SCAPER: variants seen among roughly 807,000 people sequenced by gnomAD.
SCAPER encodes S-phase cyclin A associated protein in the ER.
Under a neutral mutation model 182.2 loss-of-function variants are expected in SCAPER, and 98 were observed. That is an observed-to-expected ratio of 0.54 (90% confidence interval 0.46 to 0.64). The LOEUF is 0.64. Among genes scored for constraint, SCAPER ranks in the 30% least tolerant of loss-of-function variants. The probability of loss-of-function intolerance (pLI) is 0.00; values close to 1 mark genes in which losing one functional copy is unlikely to be tolerated. For synonymous variants in SCAPER, 605 were observed against 564.6 expected, an observed-to-expected ratio of 1.07 and a Z score of -1.01; for missense variants, 1,432 against 1,690.0, an observed-to-expected ratio of 0.85 and a Z score of 2.68.
At chr15:76,490,473 C>A (rs1405734275) in intron 24 of SCAPER, among the ~76,000 whole-genome samples, 1 of 151,964 alleles carries the variant, frequency 6.6e-6, no homozygotes, top group East Asian at 1.9e-4. Flanking sequence ...TATTTAAGTC[C>A]TTTGTCCATT....
In SCAPER at chr15:76,800,316, A is replaced by G; in HGVS notation, c.543T>C (p.His181=). The change falls in exon 7 of 32, where the codon CAT becomes CAC. Residue 181 remains histidine, a synonymous_variant. Transcript: ENST00000563290. ...TATCTGTTGATGGACTTGGAATCAC[A>G]TGGCGTCCCGGAGACATCTTCTTTA... ...WEVKKMSPGR[H]VIPSPSTDRI... 6.2e-7 allele frequency: 1 copy of G among 1,613,570 alleles called. No individual in the cohort carries two copies.
intron 22 of SCAPER, among the ~76,000 whole-genome samples, chr15:76,588,290 A>G (rs1023657610): frequency 1.3e-5 from 2 of 152,070 alleles, no homozygotes; most frequent in African/African-American, 4.8e-5. Context: ...TTAGGTGCAT[A>G]TATGTTTAGG....
chr15:76,603,430 G>C lies in SCAPER; in HGVS notation c.2711+18334C>G, dbSNP rs543135885. Among the ~76,000 whole-genome samples the C allele has an allele frequency of 2.1e-4, 25 of 121,508 alleles. 5 individuals carry two copies. Among genetic ancestry groups the C allele is most frequent in the South Asian group, 1.5e-3 (6 of 3,936 alleles). 79.7% of individuals were successfully genotyped at this position (121,508 alleles called of 152,430 possible). A position where few individuals can be genotyped will look rare whatever the true frequency, so the allele number is the denominator to read the frequency against. On this transcript the variant is annotated intron_variant, in intron 22 of 31. Transcript: ENST00000563290. Reference sequence around the variant, plus strand: ...CCACGTTTTCTTAATCCAGTCTATGGTTCTTGGACATTTAGGTTGGTTCCA... The same window carrying C: ...CCACGTTTTCTTAATCCAGTCTATGCTTCTTGGACATTTAGGTTGGTTCCA...
Position 76,465,280 on chromosome 15 carries a change from G to C in SCAPER, c.3078+5932C>G, listed in dbSNP as rs770804054. Reference sequence around the variant, plus strand: ...TCTGGTTCATAGAAGGCGCTTTCCAGCTGTGACCTCACCTGACAGAAGGGG... The same window carrying C: ...TCTGGTTCATAGAAGGCGCTTTCCACCTGTGACCTCACCTGACAGAAGGGG... On this transcript the variant is annotated intron_variant, in intron 25 of 31. Coordinates refer to ENST00000563290, the MANE Select transcript of SCAPER (RefSeq NM_020843.4). 3.3e-5 allele frequency among the ~76,000 whole-genome samples: 5 copies of C among 152,110 alleles called. 1 individual carries two copies. Among genetic ancestry groups the C allele is most frequent in the Non-Finnish European group, 7.4e-5 (5 of 68,004 alleles).
chr15:76,806,952 T>C (rs2066208223), intron 5 of SCAPER, among the ~76,000 whole-genome samples: 1 of 152,190 alleles, frequency 6.6e-6, no homozygotes, highest in South Asian at 2.1e-4. Context: ...GCTCTAATAA[T>C]TGGGGGGCAG....
chr15:76,623,040 G>T (rs1388699313), intron 21 of SCAPER, among the ~76,000 whole-genome samples: 1 of 152,164 alleles, frequency 6.6e-6, no homozygotes, highest in Non-Finnish European at 1.5e-5. Flanking sequence ...TTGGCTGACT[G>T]TATGTCTTCT....
intron 29 of SCAPER, among the ~76,000 whole-genome samples, chr15:76,362,435 T>C (rs1167984423): frequency 8.0e-5 from 12 of 149,826 alleles, no homozygotes; most frequent in African/African-American, 3.0e-4. Context: ...TTTTTCAAGA[T>C]GGAGTCTTGC....
chr15:76,480,831 T>C (rs925933484), intron 24 of SCAPER, among the ~76,000 whole-genome samples: 2 of 151,970 alleles, frequency 1.3e-5, no homozygotes, highest in African/African-American at 2.4e-5. Context: ...CCCGAGTTCA[T>C]GCCATTCTCC....
chr15:76,706,856 T>C (rs1337526001), intron 17 of SCAPER, among the ~76,000 whole-genome samples: 2 of 151,964 alleles, frequency 1.3e-5, no homozygotes, highest in Admixed American at 1.3e-4. Flanking sequence ...AAACAAACTG[T>C]TGATACACAC....
chr15:76,495,683 A>G (rs1334479350), intron 24 of SCAPER, among the ~76,000 whole-genome samples: 1 of 151,928 alleles, frequency 6.6e-6, no homozygotes, highest in Non-Finnish European at 1.5e-5. Flanking sequence ...GGGTAGATGA[A>G]TAATATGGAG....
intron 23 of SCAPER, among the ~76,000 whole-genome samples, chr15:76,553,879 G>C (rs920993575): frequency 6.6e-6 from 1 of 152,230 alleles, no homozygotes; most frequent in Non-Finnish European, 1.5e-5. Flanking sequence ...ACACAGATGA[G>C]AAAGAACTAG....
intron 9 of SCAPER, chr15:76,774,547 C>T (rs1219394407): frequency 9.0e-6 from 3 of 333,572 alleles, no homozygotes; most frequent in Non-Finnish European, 1.6e-5. Flanking sequence ...CTTTGGAGAT[C>T]CATGCTCTAG....
In SCAPER at chr15:76,388,338, C is replaced by T. The variant is rs535209061; in HGVS notation, c.3468-6723G>A. ...AGGTGTGGTGGTACACGCCTATAGT[C>T]CCAGCTGCTTAGGAGGCTGAGGCAG... On this transcript the variant is annotated intron_variant, in intron 27 of 31. Coordinates refer to ENST00000563290, the MANE Select transcript of SCAPER (RefSeq NM_020843.4). 2.1e-3 allele frequency among the ~76,000 whole-genome samples: 321 copies of T among 152,172 alleles called. 2 individuals carry two copies. The highest frequency in any genetic ancestry group is 7.4e-3 in the African/African-American group (306 of 41,528).
intron 22 of SCAPER, among the ~76,000 whole-genome samples, chr15:76,606,918 G>A (rs537694147): frequency 1.1e-4 from 17 of 152,216 alleles, no homozygotes; most frequent in Middle Eastern, 3.4e-3. Context: ...ATCTCTGCAC[G>A]TGAGATGGGT....
Position 76,862,329 on chromosome 15 carries a change from T to C in SCAPER, c.124+87A>G, listed in dbSNP as rs1027542026. On this transcript the variant is annotated intron_variant, in intron 3 of 31. Coordinates refer to ENST00000563290, the MANE Select transcript of SCAPER (RefSeq NM_020843.4). ...TACTAATCAGCCCTAGAAGTCTAAT[T>C]GCAAACAGTTTTCAGTCTATCTCTT... The C allele has an allele frequency of 2.6e-5, 20 of 774,986 alleles. No homozygotes were observed. The Admixed American group carries it at 3.9e-4, about 15-fold the overall frequency. 48.0% of individuals were successfully genotyped at this position (774,986 alleles called of 1,614,324 possible). A position where few individuals can be genotyped will look rare whatever the true frequency, so the allele number is the denominator to read the frequency against.
At chr15:76,533,265 C>T (rs547410566) in intron 23 of SCAPER, among the ~76,000 whole-genome samples, 1 of 152,298 alleles carries the variant, frequency 6.6e-6, no homozygotes, top group African/African-American at 2.4e-5. Flanking sequence ...TATTTACATA[C>T]ACTTCATGTG....
intron 23 of SCAPER, among the ~76,000 whole-genome samples, chr15:76,542,539 TAAATAAATAA>T (rs2044855358): frequency 6.8e-6 from 1 of 146,114 alleles, no homozygotes; most frequent in African/African-American, 2.5e-5. Flanking sequence ...CAAAAATAAA[TAAATAAATAA>T]AAATAAAATA....
At chr15:76,479,313 G>C (rs1383602186) in intron 24 of SCAPER, among the ~76,000 whole-genome samples, 1 of 152,162 alleles carries the variant, frequency 6.6e-6, no homozygotes, top group Non-Finnish European at 1.5e-5. Flanking sequence ...GTCTACCCAA[G>C]CAGCTTTCCC....
At chr15:76,608,974 G>A (rs1037600849) in intron 22 of SCAPER, among the ~76,000 whole-genome samples, 1 of 152,174 alleles carries the variant, frequency 6.6e-6, no homozygotes, top group African/African-American at 2.4e-5. Context: ...GTGCTTCCTG[G>A]GTGAGGCGAT....
Sources: gnomAD v4.1 joint callset for allele counts (sites outside exome capture counted in the v4.1 genomes callset) on GRCh38, gnomAD v4.1.1 for gene constraint, MANE v1.5 for transcripts, NCBI Gene and HGNC (gene_info 2026-07-23, HGNC 2026-07-21) for gene names.